The following DNAH12 variants were observed in gnomAD, a reference collection of about 807,000 sequenced individuals.
DNAH12 encodes the protein axonemal beta dynein heavy chain 12.
DNAH12 carries 285 observed loss-of-function variants against 371.5 expected under a neutral mutation model. The observed-to-expected ratio is 0.77, with a 90% CI of 0.70 to 0.85. DNAH12 has a LOEUF of 0.85. DNAH12 is among the 40% of genes least tolerant of loss of function. The pLI, the probability that DNAH12 is intolerant of heterozygous loss-of-function variation, is 0.00. For missense variants in DNAH12, 3,611 were observed against 3,689.4 expected, an observed-to-expected ratio of 0.98 and a Z score of 0.55; for synonymous variants, 1,200 against 1,213.0, an observed-to-expected ratio of 0.99 and a Z score of 0.22.
At position 57,450,443 on chromosome 3, in the gene DNAH12, GAGGC is replaced by G. The variant is rs1559675381; in HGVS notation, c.3786+2396_3786+2399del. On this transcript the variant is annotated intron_variant, in intron 25 of 73. Coordinates refer to ENST00000495027, the MANE Select transcript of DNAH12 (RefSeq NM_001366028.2). ...CATGCCTGTAATCCCAGCTACTTGG[GAGGC>G]TGAGGCAGGAGAATCGCTTGAAGCA... Among the ~76,000 whole-genome samples the G allele has an allele frequency of 1.1e-3, 171 of 152,206 alleles. 2 individuals are homozygous for G. The highest frequency in any genetic ancestry group is 1.9e-3 in the South Asian group (9 of 4,820).
chr3:57,504,889 T>G lies in DNAH12; in HGVS notation c.898-685A>C, dbSNP rs182504286. On this transcript the variant is annotated intron_variant, in intron 8 of 73. Transcript: ENST00000495027. Reference sequence around the variant, plus strand: ...TCTCTTTTTTTTTCTTTTTTCTTTTTGTTTGTTTTGTTTGCTTTTTGTTTT... The same window carrying G: ...TCTCTTTTTTTTTCTTTTTTCTTTTGGTTTGTTTTGTTTGCTTTTTGTTTT... Among the ~76,000 whole-genome samples the G allele has an allele frequency of 9.2e-5, 14 of 152,218 alleles. No individual in the cohort carries two copies. The East Asian group carries it at 2.5e-3, about 27-fold the overall frequency.
At chr3:57,552,549 GTTAT>G in the DNAH12 span, among the ~76,000 whole-genome samples, 9 of 125,174 alleles carry the variant, frequency 7.2e-5, no homozygotes, top group South Asian at 3.2e-4. Context: ...AGCCATTTAT[GTTAT>G]TTATTTATTT....
intron 40 of DNAH12, 120 bp from the exon 41 acceptor site, chr3:57,406,072 T>G (rs969137474): frequency 1.7e-5 from 18 of 1,085,434 alleles, no homozygotes; most frequent in Non-Finnish European, 2.0e-5. Context: ...GGGCTTGGGC[T>G]GGGCGCGGTG....
chr3:57,348,351 T>C (rs2062593210), intron 60 of DNAH12, among the ~76,000 whole-genome samples: 1 of 152,060 alleles, frequency 6.6e-6, no homozygotes, highest in Non-Finnish European at 1.5e-5. Flanking sequence ...TTGGCAGGGT[T>C]GAGGGGAGGG....
At chr3:57,369,084 G>C (rs2063111736) in intron 55 of DNAH12, among the ~76,000 whole-genome samples, 1 of 151,478 alleles carries the variant, frequency 6.6e-6, no homozygotes, top group African/African-American at 2.4e-5. Context: ...GCTGGGCGCA[G>C]TGGTGGGTGC....
intron 35 of DNAH12, among the ~76,000 whole-genome samples, 196 bp from the exon 36 acceptor site, chr3:57,421,902 C>CTTTTTTTTTTTTTTTTTTTTTTTTTTT (rs368757579): frequency 1.0e-5 from 1 of 98,548 alleles, no homozygotes; most frequent in African/African-American, 4.9e-5. Context: ...GTTTGCATGT[C>CTTTTTTTTTTTTTTTTTTTTTTTTTTT]TTTTTTTTTT....
rs140088870 is a variant in DNAH12, at chr3:57,460,974, C to T, written c.2736+515G>A. On this transcript the variant is annotated intron_variant, in intron 19 of 73. Coordinates refer to ENST00000495027, the MANE Select transcript of DNAH12 (RefSeq NM_001366028.2). ...ATATCAGGGTAAAAAATCCAGTTGT[C>T]TTTCCCCAATTTATATAGTCCCCAG... Among the ~76,000 whole-genome samples, 267 of 152,274 alleles carry T rather than the reference C, an allele frequency of 1.8e-3. 1 individual carries two copies. The highest frequency in any genetic ancestry group is 6.2e-3 in the African/African-American group (257 of 41,568).
intron 67 of DNAH12, among the ~76,000 whole-genome samples, chr3:57,310,147 C>T (rs60146587): frequency 0.23 from 34,901 of 152,064 alleles, 4,301 homozygotes; most frequent in African/African-American, 0.27. Context: ...TCTGTATAAA[C>T]AGACCTCAGT....
chr3:57,453,346 C>A lies in DNAH12; in HGVS notation c.3514G>T (p.Val1172Leu). 2 of 1,551,172 alleles carry A rather than the reference C, an allele frequency of 1.3e-6. No individual in the cohort carries two copies. The highest frequency in any genetic ancestry group is 1.7e-6 in the Non-Finnish European group (2 of 1,146,770). ...GTCTGCTTAGACAACTTTCCTCTTA[C>A]CAGCTCTACAATCTCATTCAGTTGG... is the stretch of plus-strand genomic sequence containing the variant. ...QNQLNEIVEL[V>L]RGKLSKQTRT... The change falls in exon 24 of 74, where the codon GTA becomes TTA. Residue 1172 changes from valine (V) to leucine (L), a missense_variant. Val to Leu is a conservative substitution (Grantham distance 32, BLOSUM62 1). Coordinates refer to ENST00000495027, the MANE Select transcript of DNAH12 (RefSeq NM_001366028.2).
At chr3:57,423,515 G>A (rs2064659817) in intron 35 of DNAH12, among the ~76,000 whole-genome samples, 1 of 152,198 alleles carries the variant, frequency 6.6e-6, no homozygotes, top group Non-Finnish European at 1.5e-5. Flanking sequence ...CCTGGAATGT[G>A]AGATGTCTGA....
intron 69 of DNAH12, among the ~76,000 whole-genome samples, chr3:57,302,567 A>ATATATATATATATATATTTTTTTTT (rs2061380979): frequency 1.1e-4 from 3 of 27,476 alleles, no homozygotes; most frequent in Non-Finnish European, 1.9e-4. Flanking sequence ...ATATATATGT[A>ATATATATATATATATATTTTTTTTT]TTTTTTTTTT....
rs148308865 is a variant in DNAH12, at chr3:57,540,282, C to T, written c.170+2419G>A. The stretch of plus-strand genomic sequence containing the variant: ...GTCAGGTTGGCCTCGTACTCCTGAC[C>T]TCAGGTGATTCACCTGCCTCGGCCT... On this transcript the variant is annotated intron_variant, in intron 2 of 73. Coordinates refer to ENST00000495027, the MANE Select transcript of DNAH12 (RefSeq NM_001366028.2). Among the ~76,000 whole-genome samples, 380 of 151,360 alleles carry T rather than the reference C, an allele frequency of 2.5e-3. 1 individual carries two copies. The highest frequency in any genetic ancestry group is 9.0e-3 in the African/African-American group (371 of 41,274).
intron 34 of DNAH12, chr3:57,428,303 A>C: frequency 9.8e-7 from 1 of 1,023,108 alleles, no homozygotes; most frequent in Non-Finnish European, 1.3e-6. Context: ...AAGTTTTCTC[A>C]TAAAATACTA....
At chr3:57,348,083 T>G (rs1344520534) in intron 60 of DNAH12, among the ~76,000 whole-genome samples, 2 of 152,182 alleles carry the variant, frequency 1.3e-5, no homozygotes, top group Non-Finnish European at 2.9e-5. Context: ...TGTAGCATAT[T>G]ATTCATAATT....
chr3:57,309,755 G>A lies in DNAH12; in HGVS notation c.10996C>T (p.Leu3666Phe). ...TGTTTGGAGCCTCCCTGGGTGAGGAGCAAGGACTCAAAGAGGGTTTTTGTT... is the reference window on the plus strand; with the variant it reads ...TGTTTGGAGCCTCCCTGGGTGAGGAACAAGGACTCAAAGAGGGTTTTTGTT... The part of the protein sequence containing the change: ...QQTKTLFESL[L>F]LTQGGSKQTG... Residue 3666 changes from leucine (L) to phenylalanine (F), a missense_variant, in exon 68 of 74, where the codon CTC becomes TTC. By Grantham distance (22) the Leu-to-Phe change is conservative (BLOSUM62 0). Around this residue, in one of 3 missense-constraint regions of DNAH12, gnomAD observed 2,266 missense variants for 2,236.9 expected, o/e 1.01. Transcript: ENST00000495027. 2 of 1,551,450 alleles carry A rather than the reference G, an allele frequency of 1.3e-6. No individual in the cohort carries two copies. The highest frequency in any genetic ancestry group is 1.2e-5 in the South Asian group (1 of 83,992).
intron 4 of DNAH12, chr3:57,512,408 C>G (rs997243839): frequency 2.0e-5 from 3 of 152,126 alleles, no homozygotes; most frequent in Non-Finnish European, 4.4e-5. Context: ...TGAAAATGTT[C>G]TGGAGATTCG....
chr3:57,423,647 T>C (rs776867550), intron 35 of DNAH12, among the ~76,000 whole-genome samples: 5 of 152,124 alleles, frequency 3.3e-5, no homozygotes, highest in Non-Finnish European at 5.9e-5. Context: ...GAAACCAGCA[T>C]AGACCAGGAA....
At chr3:57,487,431 G>A (rs868792766) in intron 12 of DNAH12, among the ~76,000 whole-genome samples, 184 of 136,380 alleles carry the variant, frequency 1.3e-3, no homozygotes, top group African/African-American at 4.8e-3. Context: ...AGAAAAAAAA[G>A]AAAGAGCAAG....
intron 55 of DNAH12, among the ~76,000 whole-genome samples, chr3:57,371,679 A>G (rs985050374): frequency 2.0e-5 from 3 of 150,738 alleles, no homozygotes; most frequent in African/African-American, 7.3e-5. Flanking sequence ...GCACACACAC[A>G]CACACACACA....
Sources: allele counts gnomAD v4.1 joint callset (sites outside exome capture counted in the v4.1 genomes callset), GRCh38; gene constraint gnomAD v4.1.1; regional missense constraint gnomAD v4.1.1; transcripts MANE v1.5; gene names NCBI Gene and HGNC (gene_info 2026-07-23, HGNC 2026-07-21).